Variants in VAV1 observed in about 807,000 individuals in gnomAD.
The protein encoded by VAV1 is vav guanine nucleotide exchange factor 1, also known as proto-oncogene vav.
Under a neutral mutation model 128.1 loss-of-function variants are expected in VAV1, and 33 were observed. That is an observed-to-expected ratio of 0.26 (90% confidence interval 0.20 to 0.34). VAV1 has a LOEUF of 0.34. VAV1 is among the 10% of genes least tolerant of loss of function. The probability of loss-of-function intolerance (pLI) is 1.00; values close to 1 mark genes in which losing one functional copy is unlikely to be tolerated. For synonymous variants in VAV1, 394 were observed against 409.8 expected (o/e 0.96, Z 0.47); for missense variants, 715 against 1,093.7 (o/e 0.65, Z 4.88).
At chr19:6,849,285 CTTTTTTTTTTT>C (rs4029439) in intron 23 of VAV1, among the ~76,000 whole-genome samples, 2 of 92,186 alleles carry the variant, frequency 2.2e-5, no homozygotes, top group Non-Finnish European at 3.9e-5. Flanking sequence ...TGTTTCCAGC[CTTTTTTTTTTT>C]TTTTTTTTTT....
At chr19:6,838,430 TC>T (rs1568313131) in intron 21 of VAV1, among the ~76,000 whole-genome samples, 6 of 144,114 alleles carry the variant, frequency 4.2e-5, no homozygotes, top group Non-Finnish European at 8.9e-5. Flanking sequence ...CATCCATCCA[TC>T]CATCCATCTA....
At chr19:6,799,156 G>GT (rs1022401418) in intron 1 of VAV1, among the ~76,000 whole-genome samples, 2 of 151,794 alleles carry the variant, frequency 1.3e-5, no homozygotes, top group African/African-American at 2.4e-5. Flanking sequence ...CTTGATGGAG[G>GT]TTTTTTTGTT....
At chr19:6,817,651 A>G (rs1275605899) in intron 1 of VAV1, among the ~76,000 whole-genome samples, 2 of 152,064 alleles carry the variant, frequency 1.3e-5, no homozygotes. Flanking sequence ...ACGCCGGAGT[A>G]GGGGTGTGGG....
At chr19:6,832,274 C>G in intron 15 of VAV1, 74 bp downstream of exon 15, 1 of 1,398,646 alleles carries the variant, frequency 7.1e-7, no homozygotes, top group African/African-American at 1.4e-5. Context: ...TGATCTAGTC[C>G]CTACTCTGTC....
intron 1 of VAV1, among the ~76,000 whole-genome samples, chr19:6,803,515 C>T (rs1701894579): frequency 6.6e-6 from 1 of 152,200 alleles, no homozygotes; most frequent in Non-Finnish European, 1.5e-5. Flanking sequence ...TCAAGTTCCA[C>T]CTACTTCCTC....
chr19:6,791,979 T>C (rs1971028489), intron 1 of VAV1, among the ~76,000 whole-genome samples: 1 of 141,810 alleles, frequency 7.1e-6, no homozygotes, highest in African/African-American at 2.7e-5. Flanking sequence ...GGTACTTACC[T>C]AGAATGGCTA....
chr19:6,824,487 T>C (rs1262873217), intron 6 of VAV1, among the ~76,000 whole-genome samples: 2 of 152,202 alleles, frequency 1.3e-5, no homozygotes, highest in Admixed American at 1.3e-4. Context: ...CAGAGCTTCA[T>C]TCCTTTTCAT....
chr19:6,855,846 C>CT (rs1568322195), intron 26 of VAV1, among the ~76,000 whole-genome samples: 15 of 146,828 alleles, frequency 1.0e-4, no homozygotes, highest in African/African-American at 3.9e-4. Flanking sequence ...TCTATCTATC[C>CT]ATTCATTATC....
rs138188982 is a variant in VAV1, at chr19:6,833,144, T to A, written c.1509-40T>A. ...TCAGCCATAAAAAGGAATAAAATAC[T>A]GACCTTCTTTTTTTTTTTTTTTTAA... is the stretch of plus-strand genomic sequence containing the variant. On this transcript the variant is annotated intron_variant, in intron 15 of 26. Coordinates refer to ENST00000602142, the MANE Select transcript of VAV1 (RefSeq NM_005428.4). 797 of 1,526,826 alleles carry A rather than the reference T, an allele frequency of 5.2e-4. 5 individuals carry two copies. In the African/African-American group the frequency reaches 9.9e-3, roughly 19 times the overall value. 94.6% of individuals were successfully genotyped at this position (1,526,826 alleles called of 1,614,324 possible). A position where few individuals can be genotyped will look rare whatever the true frequency, so the allele number is the denominator to read the frequency against.
At chr19:6,848,902 T>C (rs1405183478) in intron 23 of VAV1, among the ~76,000 whole-genome samples, 1 of 151,744 alleles carries the variant, frequency 6.6e-6, no homozygotes, top group Non-Finnish European at 1.5e-5. Flanking sequence ...CAGGGGACCC[T>C]CCTAGCTCAG....
chr19:6,777,441 T>C lies in VAV1; in HGVS notation c.204+4430T>C, dbSNP rs1398788095. Among the ~76,000 whole-genome samples the C allele has an allele frequency of 1.3e-5, 2 of 152,078 alleles. No homozygotes were observed. Among genetic ancestry groups the C allele is most frequent in the East Asian group, 3.9e-4 (2 of 5,194 alleles). Reference sequence around the variant, plus strand: ...CAATGTATAAGTCATCAGGAGGTGGTATGTACTGCTCTGGAGAAAACAAAG... The same window carrying C: ...CAATGTATAAGTCATCAGGAGGTGGCATGTACTGCTCTGGAGAAAACAAAG... On this transcript the variant is annotated intron_variant, in intron 1 of 26. Coordinates refer to ENST00000602142, the MANE Select transcript of VAV1 (RefSeq NM_005428.4). This position sits in a 1 kb window ranked among gnomAD's most constrained non-coding sequence, Gnocchi z 4.4.
intron 19 of VAV1, among the ~76,000 whole-genome samples, chr19:6,834,433 G>A (rs949362076): frequency 4.6e-5 from 7 of 151,310 alleles, no homozygotes; most frequent in African/African-American, 7.3e-5. Context: ...TAGTAAAGAC[G>A]GGGTTTCACC....
chr19:6,819,716 G>T (rs1207331422), intron 1 of VAV1, among the ~76,000 whole-genome samples: 1 of 152,176 alleles, frequency 6.6e-6, no homozygotes, highest in Non-Finnish European at 1.5e-5. Flanking sequence ...AGTGTTGGGG[G>T]TTGTGGGAGA....
intron 21 of VAV1, among the ~76,000 whole-genome samples, chr19:6,837,368 AG>A (rs1471297574): frequency 1.3e-5 from 2 of 152,054 alleles, no homozygotes; most frequent in East Asian, 3.9e-4. Context: ...CACCAAATTG[AG>A]TTCTGTGGGA....
At position 6,828,282 on chromosome 19, in the gene VAV1, G is replaced by A; in HGVS notation, c.1023+111G>A. The A allele has an allele frequency of 2.0e-6, 3 of 1,495,708 alleles. No homozygotes were observed. The highest frequency in any genetic ancestry group is 2.8e-6 in the Non-Finnish European group (3 of 1,087,532). The allele number at this position is 1,495,708 out of a possible 1,614,324, so 92.7% of individuals were successfully genotyped here. On this transcript the variant is annotated intron_variant, in intron 10 of 26. Coordinates refer to ENST00000602142, the MANE Select transcript of VAV1 (RefSeq NM_005428.4). The surrounding 1 kb of genome is among the most constrained non-coding windows in gnomAD (Gnocchi z 4.5). The stretch of plus-strand genomic sequence containing the variant: ...TGGGTCTCTAGGACGCTCGGGGATG[G>A]GTCACTGGGGTCATGTCTCAGCCTC...
At chr19:6,824,951 C>T in intron 6 of VAV1, 102 bp from the exon 7 acceptor site, 2 of 1,234,256 alleles carry the variant, frequency 1.6e-6, no homozygotes, top group Non-Finnish European at 2.4e-6. Context: ...GACGCGCTGC[C>T]TCTCTTTATC....
chr19:6,851,093 ATATACATATG>A (rs1324796254), intron 24 of VAV1, among the ~76,000 whole-genome samples: 17 of 152,018 alleles, frequency 1.1e-4, no homozygotes, highest in African/African-American at 4.1e-4. Context: ...ACTTACGTAT[ATATACATATG>A]TATACATATG....
At chr19:6,775,327 A>G (rs1970599379) in intron 1 of VAV1, among the ~76,000 whole-genome samples, 2 of 152,210 alleles carry the variant, frequency 1.3e-5, no homozygotes, top group South Asian at 4.1e-4. Context: ...AAGTGGATAG[A>G]CTTAAGGATG....
chr19:6,836,513 A>G lies in VAV1; in HGVS notation c.1859A>G (p.Asn620Ser), dbSNP rs1030346858. 1.2e-6 allele frequency: 2 copies of G among 1,614,008 alleles called. No homozygotes were observed. The highest frequency in any genetic ancestry group is 1.3e-5 in the African/African-American group (1 of 74,990). Residue 620 changes from asparagine (N) to serine (S), a missense_variant, in exon 20 of 27, where the codon AAC becomes AGC. Physicochemically the swap from Asn to Ser is conservative, Grantham distance 46. Around this residue, in one of 3 missense-constraint regions of VAV1, gnomAD observed 407 missense variants for 580.6 expected, o/e 0.70. Coordinates refer to ENST00000602142, the MANE Select transcript of VAV1 (RefSeq NM_005428.4). ...PGAIGPFLRL[N>S]PGDIVELTKA... is the part of the protein sequence containing the mutation. ...GCCATTGGACCCTTTCTACGGCTCA[A>G]CCCTGGAGACATTGTGGAGCTCACG...
Sources: allele counts gnomAD v4.1 joint callset (sites outside exome capture counted in the v4.1 genomes callset), GRCh38; gene constraint gnomAD v4.1.1; regional missense constraint gnomAD v4.1.1; non-coding constraint Gnocchi (gnomAD v3.1); transcripts MANE v1.5; gene names NCBI Gene and HGNC (gene_info 2026-07-23, HGNC 2026-07-21).